The following RHBDD1 variants were observed in gnomAD, a reference collection of about 807,000 sequenced individuals.
RHBDD1 encodes rhomboid domain containing 1.
A neutral mutation model predicts 36.3 loss-of-function variants in RHBDD1; 38 were observed. The observed-to-expected ratio is 1.05, with a 90% CI of 0.81 to 1.37. The LOEUF (loss-of-function observed/expected upper bound fraction) is 1.37, where lower values mean the gene tolerates loss of function less well. Ranked by LOEUF, RHBDD1 falls within the 40% of genes most tolerant of loss-of-function variation. The probability of loss-of-function intolerance (pLI) is 0.00; values close to 1 mark genes in which losing one functional copy is unlikely to be tolerated. For missense variants in RHBDD1, 393 were observed against 377.6 expected (o/e 1.04, Z -0.34); for synonymous variants, 151 against 136.5 (o/e 1.11, Z -0.74).
At chr2:226,858,949 T>C (rs1943582691) in intron 3 of RHBDD1, among the ~76,000 whole-genome samples, 2 of 152,220 alleles carry the variant, frequency 1.3e-5, no homozygotes, top group South Asian at 4.1e-4. Flanking sequence ...TTTAAATGGA[T>C]CAGAGATTTA....
intron 8 of RHBDD1, among the ~76,000 whole-genome samples, chr2:226,957,071 G>A (rs932979239): frequency 6.6e-6 from 1 of 152,176 alleles, no homozygotes; most frequent in African/African-American, 2.4e-5. Flanking sequence ...AGCAAAAATC[G>A]ATTCTATATT....
chr2:226,897,570 C>T (rs1460071047), intron 5 of RHBDD1, among the ~76,000 whole-genome samples: 1 of 152,160 alleles, frequency 6.6e-6, no homozygotes, highest in Admixed American at 6.5e-5. Flanking sequence ...CTGCTGAAGG[C>T]CTCAGGCTAC....
intron 8 of RHBDD1, among the ~76,000 whole-genome samples, chr2:226,958,257 T>C (rs1343119248): frequency 6.6e-6 from 1 of 152,170 alleles, no homozygotes; most frequent in African/African-American, 2.4e-5. Flanking sequence ...AGTAGTATGC[T>C]AAGTGAAAGG....
chr2:226,812,667 T>G, the RHBDD1 span, among the ~76,000 whole-genome samples: 1 of 151,970 alleles, frequency 6.6e-6, no homozygotes, highest in Non-Finnish European at 1.5e-5. Flanking sequence ...GGAAAGCACA[T>G]GTATGCTTTT....
At chr2:226,980,639 G>T (rs1451981441) in intron 8 of RHBDD1, among the ~76,000 whole-genome samples, 1 of 152,098 alleles carries the variant, frequency 6.6e-6, no homozygotes, top group Non-Finnish European at 1.5e-5. Context: ...GTTCCTTATG[G>T]TCTTAAAACC....
At chr2:226,882,676 A>G (rs1945868531) in intron 5 of RHBDD1, among the ~76,000 whole-genome samples, 1 of 151,642 alleles carries the variant, frequency 6.6e-6, no homozygotes, top group African/African-American at 2.4e-5. Flanking sequence ...ATTTTTACCT[A>G]ATGTCTTTTA....
chr2:226,920,691 G>T (rs1949247406), intron 8 of RHBDD1, among the ~76,000 whole-genome samples: 1 of 152,074 alleles, frequency 6.6e-6, no homozygotes, highest in East Asian at 1.9e-4. Flanking sequence ...TGATTGATCT[G>T]CTTATGTTAA....
intron 8 of RHBDD1, among the ~76,000 whole-genome samples, chr2:226,922,247 G>A (rs1349254016): frequency 4.2e-5 from 5 of 119,366 alleles, no homozygotes; most frequent in Non-Finnish European, 8.0e-5. Context: ...TCACTCTGTC[G>A]CCCAGGCTGG....
intron 5 of RHBDD1, among the ~76,000 whole-genome samples, chr2:226,872,219 A>G (rs551912140): frequency 1.0e-3 from 157 of 152,328 alleles, no homozygotes; most frequent in Non-Finnish European, 2.0e-3. Flanking sequence ...ACAAAATTGC[A>G]GAAAAAAGTA....
At chr2:226,908,386 T>C (rs1948226724) in intron 6 of RHBDD1, 1 of 161,290 alleles carries the variant, frequency 6.2e-6, no homozygotes, top group Admixed American at 5.9e-5. Context: ...CCTACTGCCT[T>C]CTGTAGGGAC....
chr2:226,857,267 G>T (rs1943421914), intron 3 of RHBDD1, among the ~76,000 whole-genome samples: 1 of 152,110 alleles, frequency 6.6e-6, no homozygotes, highest in African/African-American at 2.4e-5. Flanking sequence ...GATGGCTACA[G>T]TAAAAAAAGA....
At chr2:226,940,685 A>G (rs1049752941) in intron 8 of RHBDD1, among the ~76,000 whole-genome samples, 2 of 152,214 alleles carry the variant, frequency 1.3e-5, no homozygotes, top group Admixed American at 1.3e-4. Flanking sequence ...TTTCAAATAG[A>G]ACTGTAATAT....
At chr2:226,872,718 A>AT (rs765869436) in intron 5 of RHBDD1, among the ~76,000 whole-genome samples, 2 of 152,218 alleles carry the variant, frequency 1.3e-5, no homozygotes, top group Non-Finnish European at 2.9e-5. Flanking sequence ...TCAGCAAGTA[A>AT]TTTAAGTACT....
the RHBDD1 span, among the ~76,000 whole-genome samples, chr2:226,817,316 C>A: frequency 1.3e-5 from 2 of 152,098 alleles, no homozygotes; most frequent in Admixed American, 6.5e-5. Context: ...TAGGGTGTTA[C>A]GGTAAATGAT....
the RHBDD1 span, among the ~76,000 whole-genome samples, chr2:226,801,364 C>A: frequency 6.6e-6 from 1 of 151,802 alleles, no homozygotes; most frequent in East Asian, 1.9e-4. Flanking sequence ...AGGTAGGTTG[C>A]AAAGCGTAGT....
the RHBDD1 span, among the ~76,000 whole-genome samples, chr2:226,807,848 C>T: frequency 6.6e-6 from 1 of 152,066 alleles, no homozygotes; most frequent in African/African-American, 2.4e-5. Context: ...GCCTGTAATC[C>T]CAGCACTTTG....
intron 8 of RHBDD1, chr2:226,988,853 C>A: frequency 3.9e-6 from 1 of 254,818 alleles, no homozygotes; most frequent in Non-Finnish European, 6.2e-6. Context: ...TATCTATTGC[C>A]AAACCTTACT....
the RHBDD1 span, among the ~76,000 whole-genome samples, chr2:226,830,420 T>C: frequency 1.3e-5 from 2 of 152,224 alleles, no homozygotes; most frequent in African/African-American, 4.8e-5. Flanking sequence ...TTTATGGAAC[T>C]TTTGTTATAG....
intron 8 of RHBDD1, among the ~76,000 whole-genome samples, chr2:226,948,564 T>TAAAAAAAAAAAAAAAAA (rs56325989): frequency 4.2e-5 from 1 of 23,554 alleles, no homozygotes; most frequent in Admixed American, 5.0e-4. Flanking sequence ...ACTTAAAGTA[T>TAAAAAAAAAAAAAAAAA]AAAAAAAAAA....
Sources: allele counts gnomAD v4.1 joint callset (sites outside exome capture counted in the v4.1 genomes callset), GRCh38; gene constraint gnomAD v4.1.1; transcripts MANE v1.5; gene names NCBI Gene and HGNC (gene_info 2026-07-23, HGNC 2026-07-21).